Variants in SLC30A8 observed in about 807,000 individuals in gnomAD.
SLC30A8 encodes proton-coupled zinc antiporter SLC30A8.
In SLC30A8, 27 loss-of-function variants were observed where a neutral mutation model predicts 36.9. That is an observed-to-expected ratio of 0.73 (90% confidence interval 0.54 to 1.01). SLC30A8 has a LOEUF of 1.01. Among genes scored for constraint, SLC30A8 ranks in the 50% least tolerant of loss-of-function variants. The probability of loss-of-function intolerance (pLI) is 0.00; values close to 1 mark genes in which losing one functional copy is unlikely to be tolerated. For missense variants in SLC30A8, 439 were observed against 452.0 expected, an observed-to-expected ratio of 0.97 and a Z score of 0.26; for synonymous variants, 164 against 172.4, an observed-to-expected ratio of 0.95 and a Z score of 0.38.
At chr8:117,025,488 GT>G (rs1332017560) in intron 1 of SLC30A8, among the ~76,000 whole-genome samples, 3 of 152,170 alleles carry the variant, frequency 2.0e-5, no homozygotes, top group Non-Finnish European at 2.9e-5. Flanking sequence ...AATTAAGCAT[GT>G]AATAAAATAT....
Position 117,024,489 on chromosome 8 carries a change from C to A in SLC30A8, c.-265-14730C>A, listed in dbSNP as rs117065865. On this transcript the variant is annotated intron_variant, in intron 1 of 10. Coordinates refer to the SLC30A8 transcript ENST00000427715. ...CCAATTCATTGCATTTAACCTGCAT[C>A]TTCCTTATGGCAACTGCATTTGCCA... Among the ~76,000 whole-genome samples, 91 of 152,326 alleles carry A rather than the reference C, an allele frequency of 6.0e-4. 1 individual carries two copies. The East Asian group carries it at 0.016, about 27-fold the overall frequency.
chr8:117,117,165 C>A (rs1487451892), intron 2 of SLC30A8, among the ~76,000 whole-genome samples: 1 of 151,984 alleles, frequency 6.6e-6, no homozygotes, highest in Non-Finnish European at 1.5e-5. Context: ...TGCAAAACCA[C>A]TAACAGTTAA....
intron 2 of SLC30A8, among the ~76,000 whole-genome samples, chr8:117,104,007 C>T (rs75883451): frequency 0.034 from 5,236 of 152,216 alleles, 130 homozygotes; most frequent in South Asian, 0.068. Flanking sequence ...TGCCATTAGA[C>T]AAAAAGTTTC....
chr8:117,098,592 G>A (rs974593327), intron 2 of SLC30A8, among the ~76,000 whole-genome samples: 10 of 152,082 alleles, frequency 6.6e-5, no homozygotes, highest in Non-Finnish European at 1.2e-4. Context: ...CTGGAAAGCT[G>A]GCCACAAGAA....
At chr8:117,152,464 T>C (rs116245979) in intron 2 of SLC30A8, among the ~76,000 whole-genome samples, 1,972 of 152,184 alleles carry the variant, frequency 0.013, 44 homozygotes, top group African/African-American at 0.045. Flanking sequence ...GGATAATATA[T>C]ATTAATAGAG....
intron 3 of SLC30A8, among the ~76,000 whole-genome samples, chr8:117,156,155 TC>T (rs1181660811): frequency 7.2e-5 from 11 of 152,128 alleles, no homozygotes; most frequent in African/African-American, 2.4e-4. Flanking sequence ...TTCCCCTGCC[TC>T]AACGTCCTGA....
chr8:117,167,417 T>C (rs1403276181), intron 6 of SLC30A8, among the ~76,000 whole-genome samples: 2 of 151,948 alleles, frequency 1.3e-5, no homozygotes, highest in African/African-American at 4.8e-5. Flanking sequence ...TCAGTCCTAT[T>C]CTTCAGGGAT....
At chr8:117,027,838 C>G (rs1169663329) in intron 1 of SLC30A8, among the ~76,000 whole-genome samples, 1 of 152,156 alleles carries the variant, frequency 6.6e-6, no homozygotes, top group Non-Finnish European at 1.5e-5. Context: ...AAAGGAGGGT[C>G]TTTGGAGTTA....
chr8:117,016,039 GT>G (rs917623994), intron 1 of SLC30A8, among the ~76,000 whole-genome samples: 1 of 152,150 alleles, frequency 6.6e-6, no homozygotes, highest in Non-Finnish European at 1.5e-5. Context: ...GCAAACGTTG[GT>G]AAGAGAGAAG....
chr8:117,036,770 T>C (rs999180933), intron 1 of SLC30A8, among the ~76,000 whole-genome samples: 57 of 152,308 alleles, frequency 3.7e-4, no homozygotes, highest in Middle Eastern at 3.4e-3. Flanking sequence ...GGTATTACAG[T>C]GTGAGATGAG....
At chr8:117,039,280 G>A (rs1284838995) in intron 2 of SLC30A8, 1 of 152,164 alleles carries the variant, frequency 6.6e-6, no homozygotes, top group African/African-American at 2.4e-5. Flanking sequence ...TTTACTCTGT[G>A]TGTGTGAGAG....
At chr8:117,051,296 C>T (rs1223990620) in intron 2 of SLC30A8, among the ~76,000 whole-genome samples, 1 of 152,136 alleles carries the variant, frequency 6.6e-6, no homozygotes, top group Non-Finnish European at 1.5e-5. Flanking sequence ...GATGAGGAAG[C>T]TCTTAGTGGA....
At chr8:117,126,921 G>A (rs569610293) in intron 2 of SLC30A8, among the ~76,000 whole-genome samples, 6 of 152,138 alleles carry the variant, frequency 3.9e-5, no homozygotes, top group East Asian at 3.9e-4. Context: ...CACAGTCAGC[G>A]GGAGAGCACA....
At chr8:116,953,577 T>C (rs1330101306) in intron 1 of SLC30A8, among the ~76,000 whole-genome samples, 1 of 152,182 alleles carries the variant, frequency 6.6e-6, no homozygotes, top group Non-Finnish European at 1.5e-5. Flanking sequence ...ACACTTCTAC[T>C]ATCATCTCAT....
At chr8:117,019,808 A>G (rs192264762) in intron 1 of SLC30A8, among the ~76,000 whole-genome samples, 1 of 152,356 alleles carries the variant, frequency 6.6e-6, no homozygotes, top group East Asian at 1.9e-4. Context: ...GAGCAGTGAT[A>G]CAGGAAAATT....
intron 2 of SLC30A8, among the ~76,000 whole-genome samples, chr8:117,118,858 A>T (rs1449319008): frequency 1.3e-5 from 2 of 151,912 alleles, no homozygotes; most frequent in Non-Finnish European, 2.9e-5. Context: ...CTGTCAGGTG[A>T]TGGTAAAATT....
intron 1 of SLC30A8, among the ~76,000 whole-genome samples, chr8:117,016,790 A>G (rs569092406): frequency 6.6e-6 from 1 of 152,348 alleles, no homozygotes. Flanking sequence ...CGCTTAAGAC[A>G]GCATGAAAAA....
chr8:117,134,175 T>G (rs542068218), upstream of SLC30A8, among the ~76,000 whole-genome samples: 1 of 152,022 alleles, frequency 6.6e-6, no homozygotes, highest in South Asian at 2.1e-4. Context: ...AATGGGCAAC[T>G]TCCCGTGACT....
chr8:117,064,225 C>G (rs1225318733), intron 2 of SLC30A8, among the ~76,000 whole-genome samples: 1 of 152,120 alleles, frequency 6.6e-6, no homozygotes, highest in Non-Finnish European at 1.5e-5. Context: ...CTCCTGACTT[C>G]AGGTGATCTG....
Sources: gnomAD v4.1 joint callset for allele counts (sites outside exome capture counted in the v4.1 genomes callset) on GRCh38, gnomAD v4.1.1 for gene constraint, MANE v1.5 for transcripts, NCBI Gene and HGNC (gene_info 2026-07-23, HGNC 2026-07-21) for gene names.